BTBD9: variants seen among roughly 807,000 people sequenced by gnomAD.
The protein encoded by BTBD9 is BTB/POZ domain-containing protein 9.
A neutral mutation model predicts 64.3 loss-of-function variants in BTBD9; 49 were observed. The observed-to-expected ratio is 0.76, with a 90% CI of 0.61 to 0.97. The LOEUF (loss-of-function observed/expected upper bound fraction) is 0.97. Ranked by LOEUF, BTBD9 falls within the 50% of genes least tolerant of loss-of-function variation. BTBD9 has a pLI of 0.00. For missense variants in BTBD9, 598 were observed against 762.1 expected (o/e 0.78, Z 2.53); for synonymous variants, 260 against 274.7 (o/e 0.95, Z 0.53).
chr6:38,609,160 A>T (rs980556784), intron 1 of BTBD9, among the ~76,000 whole-genome samples: 3 of 152,164 alleles, frequency 2.0e-5, no homozygotes, highest in Non-Finnish European at 4.4e-5. Flanking sequence ...TTAGGCAAAA[A>T]GAGTTTACAG....
At chr6:38,478,594 T>A (rs1259247675) in intron 6 of BTBD9, among the ~76,000 whole-genome samples, 1 of 152,186 alleles carries the variant, frequency 6.6e-6, no homozygotes, top group East Asian at 1.9e-4. Context: ...AGAGGAAATG[T>A]GCATGGGCAG....
chr6:38,335,951 T>A (rs759420836), intron 7 of BTBD9, among the ~76,000 whole-genome samples: 3 of 152,084 alleles, frequency 2.0e-5, no homozygotes, highest in Non-Finnish European at 2.9e-5. Flanking sequence ...GCCAGGCTGG[T>A]CTCAAACTAC....
chr6:38,254,471 C>A lies in BTBD9; in HGVS notation c.1562+1938G>T, dbSNP rs867536338. On this transcript the variant is annotated intron_variant, in intron 9 of 10. Transcript: ENST00000481247. ...CTACAAAAACAAACAAACAAACAAA[C>A]AAACAAAAAAAAACAATTAGCTGGG... Among the ~76,000 whole-genome samples the A allele has an allele frequency of 8.9e-3, 1,337 of 150,784 alleles. 26 individuals are homozygous for A. Among genetic ancestry groups the A allele is most frequent in the African/African-American group, 0.031 (1,274 of 40,724 alleles).
At chr6:38,394,242 A>C (rs1483391663) in intron 6 of BTBD9, among the ~76,000 whole-genome samples, 1 of 152,194 alleles carries the variant, frequency 6.6e-6, no homozygotes, top group Non-Finnish European at 1.5e-5. Context: ...AGTACTACGA[A>C]AGGAGAAAGA....
chr6:38,213,791 C>T (rs1462863273), intron 9 of BTBD9, among the ~76,000 whole-genome samples: 3 of 151,956 alleles, frequency 2.0e-5, no homozygotes, highest in African/African-American at 7.3e-5. Flanking sequence ...ACCCTCCTGG[C>T]TAACATGGTG....
chr6:38,572,862 C>G (rs1775840020), intron 6 of BTBD9, among the ~76,000 whole-genome samples: 1 of 150,758 alleles, frequency 6.6e-6, no homozygotes. Context: ...AATCATAATA[C>G]CAAGCCAGAA....
At chr6:38,335,686 C>T (rs569596506) in intron 7 of BTBD9, among the ~76,000 whole-genome samples, 9 of 152,220 alleles carry the variant, frequency 5.9e-5, no homozygotes, top group African/African-American at 2.2e-4. Flanking sequence ...CTGCCTCAGC[C>T]TCCCGAGTAG....
At chr6:38,524,847 A>G (rs1003600188) in intron 6 of BTBD9, among the ~76,000 whole-genome samples, 6 of 152,102 alleles carry the variant, frequency 3.9e-5, no homozygotes, top group Non-Finnish European at 7.4e-5. Context: ...GATCAGAATA[A>G]TTCATTCCTT....
chr6:38,344,822 A>C (rs1764220193), intron 7 of BTBD9, among the ~76,000 whole-genome samples, 162 bp downstream of exon 7: 1 of 152,206 alleles, frequency 6.6e-6, no homozygotes, highest in South Asian at 2.1e-4. Context: ...TACTATATTG[A>C]ATACTTCTAA....
Position 38,542,637 on chromosome 6 carries a change from T to C in BTBD9, c.1154+34963A>G, listed in dbSNP as rs990465803. ...TATAAATATTAATTGATGATATTTA[T>C]AAATTTAAGACTTTAACAAAACACT... On this transcript the variant is annotated intron_variant, in intron 6 of 10. Coordinates refer to ENST00000481247, the MANE Select transcript of BTBD9 (RefSeq NM_001099272.2). Among the ~76,000 whole-genome samples, 4 of 152,182 alleles carry C rather than the reference T, an allele frequency of 2.6e-5. No homozygotes were observed. In the East Asian group the frequency reaches 5.8e-4, roughly 22 times the overall value.
intron 7 of BTBD9, among the ~76,000 whole-genome samples, chr6:38,288,959 A>G (rs1389023295): frequency 6.6e-6 from 1 of 152,216 alleles, no homozygotes; most frequent in African/African-American, 2.4e-5. Flanking sequence ...CAAGGCATAG[A>G]AAAACACAGG....
At chr6:38,393,815 A>T (rs1317178048) in intron 6 of BTBD9, among the ~76,000 whole-genome samples, 1 of 152,250 alleles carries the variant, frequency 6.6e-6, no homozygotes, top group African/African-American at 2.4e-5. Flanking sequence ...CACTTATGAC[A>T]GACAGATGGA....
intron 6 of BTBD9, among the ~76,000 whole-genome samples, chr6:38,383,430 A>C (rs887827668): frequency 2.6e-5 from 4 of 152,242 alleles, no homozygotes; most frequent in Admixed American, 1.3e-4. Flanking sequence ...AAATGATAGA[A>C]GCATTCCCTT....
intron 6 of BTBD9, among the ~76,000 whole-genome samples, chr6:38,403,667 G>A (rs1479549572): frequency 6.6e-6 from 1 of 152,158 alleles, no homozygotes; most frequent in Non-Finnish European, 1.5e-5. Context: ...AAAACAGTCT[G>A]GCAGATCGTC....
At chr6:38,344,246 T>C (rs1417814130) in intron 7 of BTBD9, among the ~76,000 whole-genome samples, 6 of 152,110 alleles carry the variant, frequency 3.9e-5, no homozygotes, top group South Asian at 2.1e-4. Flanking sequence ...AAGCCACTCA[T>C]GGTATCTAGA....
At chr6:38,278,521 T>C (rs1423064084) in intron 8 of BTBD9, among the ~76,000 whole-genome samples, 3 of 152,216 alleles carry the variant, frequency 2.0e-5, no homozygotes, top group Admixed American at 1.3e-4. Flanking sequence ...TGTAAGGCTA[T>C]AGGAGGTTCT....
chr6:38,631,557 C>G (rs1269251230), intron 1 of BTBD9, among the ~76,000 whole-genome samples: 1 of 152,196 alleles, frequency 6.6e-6, no homozygotes, highest in Non-Finnish European at 1.5e-5. Flanking sequence ...CTGGATGAAG[C>G]TAGCTGACAT....
At chr6:38,192,494 A>AAAAAAAAAAAGGG (rs1341285825) in intron 10 of BTBD9, 25 bp downstream of exon 10, 13 of 1,594,756 alleles carry the variant, frequency 8.2e-6, no homozygotes, top group Non-Finnish European at 1.1e-5. Flanking sequence ...ATCTCATGGC[A>AAAAAAAAAAAGGG]CCTCTCATGA....
intron 1 of BTBD9, among the ~76,000 whole-genome samples, chr6:38,628,369 G>A (rs912702483): frequency 2.2e-4 from 33 of 152,250 alleles, no homozygotes; most frequent in South Asian, 2.1e-3. Context: ...AGGTCCCCAC[G>A]CTAACATTTG....
Sources: gnomAD v4.1 joint callset for allele counts (sites outside exome capture counted in the v4.1 genomes callset) on GRCh38, gnomAD v4.1.1 for gene constraint, MANE v1.5 for transcripts, NCBI Gene and HGNC (gene_info 2026-07-23, HGNC 2026-07-21) for gene names.